Variants in ADARB2 observed in about 807,000 individuals in gnomAD.
ADARB2 encodes inactive double-stranded RNA-specific editase B2.
Under a neutral mutation model 62.2 loss-of-function variants are expected in ADARB2, and 25 were observed. The ratio of observed to expected loss-of-function variants is 0.40; its 90% confidence interval spans 0.29 to 0.56. The LOEUF (loss-of-function observed/expected upper bound fraction) is 0.56. Among genes scored for constraint, ADARB2 ranks in the 20% least tolerant of loss-of-function variants. The probability of loss-of-function intolerance (pLI) is 0.43; values close to 1 mark genes in which losing one functional copy is unlikely to be tolerated. For synonymous variants in ADARB2, 572 were observed against 500.8 expected (o/e 1.14, Z -1.90); for missense variants, 1,071 against 1,077.4 (o/e 0.99, Z 0.08).
At chr10:1,350,601 G>A (rs909845850) in intron 3 of ADARB2, among the ~76,000 whole-genome samples, 4 of 152,016 alleles carry the variant, frequency 2.6e-5, no homozygotes, top group African/African-American at 9.7e-5. Flanking sequence ...TTCTTTACCC[G>A]ACCTCTCCCA....
In ADARB2 at chr10:1,363,642, C is replaced by T. The variant is rs372316430; in HGVS notation, c.463G>A (p.Val155Ile). 2.6e-5 allele frequency: 42 copies of T among 1,605,838 alleles called. No homozygotes were observed. The highest frequency in any genetic ancestry group is 3.3e-5 in the Non-Finnish European group (39 of 1,176,192). Residue 155 changes from valine (V) to isoleucine (I), a missense_variant, in exon 3 of 10, where the codon GTC becomes ATC. Val to Ile is a conservative substitution (Grantham distance 29, BLOSUM62 3). Coordinates refer to ENST00000381312, the MANE Select transcript of ADARB2 (RefSeq NM_018702.4). ...VSQTGPVHAPVFAVAVEVNGL... is the reference protein window; with the variant it reads ...VSQTGPVHAPIFAVAVEVNGL... Reference sequence around the variant, plus strand: ...TTCACCTCCACCGCTACCGCGAAGACCGGGGCATGCACCGGGCCCGTCTGC... The same window carrying T: ...TTCACCTCCACCGCTACCGCGAAGATCGGGGCATGCACCGGGCCCGTCTGC...
At chr10:1,377,833 G>A (rs1031250528) in intron 2 of ADARB2, among the ~76,000 whole-genome samples, 1 of 152,174 alleles carries the variant, frequency 6.6e-6, no homozygotes, top group Non-Finnish European at 1.5e-5. Flanking sequence ...GACACTCAAA[G>A]GCTGTGATGC....
At chr10:1,438,740 C>T (rs551199671) in intron 1 of ADARB2, among the ~76,000 whole-genome samples, 292 of 150,064 alleles carry the variant, frequency 1.9e-3, no homozygotes, top group Non-Finnish European at 3.3e-3. Context: ...CAGATGGAGG[C>T]AGGTTCTTCA....
At chr10:1,509,641 A>G (rs1831895779) in intron 1 of ADARB2, among the ~76,000 whole-genome samples, 1 of 152,226 alleles carries the variant, frequency 6.6e-6, no homozygotes, top group Non-Finnish European at 1.5e-5. Flanking sequence ...AAGAGGTATT[A>G]GATTATTTGT....
chr10:1,400,885 G>A (rs948426844), intron 1 of ADARB2, among the ~76,000 whole-genome samples: 2 of 152,232 alleles, frequency 1.3e-5, no homozygotes, highest in Admixed American at 1.3e-4. Context: ...CTAGAAAGCA[G>A]CTGTTTTGCA....
At chr10:1,443,502 A>G (rs1481487125) in intron 1 of ADARB2, among the ~76,000 whole-genome samples, 2 of 152,148 alleles carry the variant, frequency 1.3e-5, no homozygotes, top group Non-Finnish European at 2.9e-5. Context: ...TTATTTAACC[A>G]TGTCCTTCAG....
At chr10:1,556,570 G>T in intron 1 of ADARB2, 1 of 430,496 alleles carries the variant, frequency 2.3e-6, no homozygotes, top group Non-Finnish European at 4.9e-6. Context: ...CCATGGTCTG[G>T]GGAGGGCCTG....
intron 3 of ADARB2, among the ~76,000 whole-genome samples, chr10:1,280,027 G>T (rs762394952): frequency 6.6e-6 from 1 of 152,156 alleles, no homozygotes; most frequent in Non-Finnish European, 1.5e-5. Flanking sequence ...TGTGAATTTG[G>T]GGGAGGTCAG....
intron 1 of ADARB2, among the ~76,000 whole-genome samples, chr10:1,715,960 G>T (rs1359797403): frequency 1.3e-5 from 2 of 151,754 alleles, no homozygotes; most frequent in East Asian, 3.9e-4. Context: ...CTAACTTGGT[G>T]CACCCTGTTC....
rs572622301 is a variant in ADARB2 at position 1,260,531 on chromosome 10, A to C, written c.1192+10424T>G. On this transcript the variant is annotated intron_variant, in intron 4 of 9. Coordinates refer to ENST00000381312, the MANE Select transcript of ADARB2 (RefSeq NM_018702.4). ...TAACAGACGAACAGAGAGCCAAATC[A>C]TGAGTGAACTCCCATTCACAATTGC... Among the ~76,000 whole-genome samples the C allele has an allele frequency of 5.3e-5, 8 of 152,028 alleles. No individual in the cohort carries two copies. The South Asian group carries it at 1.7e-3, about 32-fold the overall frequency.
intron 1 of ADARB2, among the ~76,000 whole-genome samples, chr10:1,448,669 G>T (rs56385558): frequency 0.078 from 11,949 of 152,250 alleles, 532 homozygotes; most frequent in South Asian, 0.19. Context: ...AACCTAGAAA[G>T]ACTGGTTGGG....
Position 1,367,669 on chromosome 10 carries a change from C to T in ADARB2, c.188-3752G>A, listed in dbSNP as rs537250268. 4.6e-5 allele frequency among the ~76,000 whole-genome samples: 7 copies of T among 152,334 alleles called. No homozygotes were observed. The South Asian group carries it at 1.4e-3, about 32-fold the overall frequency. On this transcript the variant is annotated intron_variant, in intron 2 of 9. Coordinates refer to ENST00000381312, the MANE Select transcript of ADARB2 (RefSeq NM_018702.4). ...AAAAAACCCAACAAGATCAACCCCC[C>T]AACCCCATACCAGATTGCATAGAGA...
intron 1 of ADARB2, among the ~76,000 whole-genome samples, chr10:1,593,209 C>G (rs866387655): frequency 8.2e-6 from 1 of 121,628 alleles, no homozygotes; most frequent in Non-Finnish European, 1.7e-5. Context: ...TCCCTTCGCC[C>G]AAGCCACCCT....
At chr10:1,662,643 G>T (rs957384904) in intron 1 of ADARB2, among the ~76,000 whole-genome samples, 10 of 152,204 alleles carry the variant, frequency 6.6e-5, no homozygotes, top group Non-Finnish European at 5.9e-5. Context: ...TCTGGGTGAG[G>T]CTAGGGTCTG....
At chr10:1,597,700 G>C (rs1833353062) in intron 1 of ADARB2, among the ~76,000 whole-genome samples, 1 of 152,190 alleles carries the variant, frequency 6.6e-6, no homozygotes, top group Non-Finnish European at 1.5e-5. Flanking sequence ...AGCTTCTATT[G>C]AAAACAGCTT....
intron 1 of ADARB2, among the ~76,000 whole-genome samples, chr10:1,409,583 TCA>T (rs1404031337): frequency 1.4e-5 from 2 of 147,538 alleles, no homozygotes; most frequent in Non-Finnish European, 3.0e-5. Flanking sequence ...GGAAGGATTC[TCA>T]GTGTGCCGAG....
intron 1 of ADARB2, among the ~76,000 whole-genome samples, chr10:1,450,114 G>T (rs1168203379): frequency 6.6e-6 from 1 of 152,218 alleles, no homozygotes; most frequent in African/African-American, 2.4e-5. Context: ...CACACTGAGA[G>T]CACAGGTGGA....
intron 1 of ADARB2, among the ~76,000 whole-genome samples, chr10:1,588,441 T>C (rs1833208211): frequency 6.6e-6 from 1 of 152,220 alleles, no homozygotes; most frequent in Admixed American, 6.5e-5. Flanking sequence ...GATGGGAATT[T>C]AATGTGCAGA....
Position 1,233,769 on chromosome 10 carries a change from G to C in ADARB2, c.1438C>G (p.Leu480Val). The C allele has an allele frequency of 6.2e-7, 1 of 1,613,996 alleles. No individual in the cohort carries two copies. Among genetic ancestry groups the C allele is most frequent in the Non-Finnish European group, 8.5e-7 (1 of 1,179,982 alleles). The change falls in exon 6 of 10, where the codon CTC (leucine) becomes GTC (valine). Residue 480 changes from leucine to valine, a missense_variant. Leu to Val is a conservative substitution (Grantham distance 32). Transcript: ENST00000381312. Reference sequence around the variant, plus strand: ...GAGGTGCTCACGTAGAGATGGAAGAGGATGTTCTCTCGCAGCCGGTAGCCA... The same window carrying C: ...GAGGTGCTCACGTAGAGATGGAAGACGATGTTCTCTCGCAGCCGGTAGCCA... ...EGGYRLRENI[L>V]FHLYVSTSPC...
Sources: allele counts gnomAD v4.1 joint callset (sites outside exome capture counted in the v4.1 genomes callset), GRCh38; gene constraint gnomAD v4.1.1; transcripts MANE v1.5; gene names NCBI Gene and HGNC (gene_info 2026-07-23, HGNC 2026-07-21).